TENM2: variants seen among roughly 807,000 people sequenced by gnomAD.
TENM2 encodes teneurin transmembrane protein 2.
In TENM2, 52 loss-of-function variants were observed where a neutral mutation model predicts 245.2. That is an observed-to-expected ratio of 0.21 (90% CI 0.17 to 0.27). The LOEUF (loss-of-function observed/expected upper bound fraction) is 0.27. Among genes scored for constraint, TENM2 ranks in the 10% least tolerant of loss-of-function variants. TENM2 has a pLI of 1.00. For synonymous variants in TENM2, 1,363 were observed against 1,438.9 expected, an observed-to-expected ratio of 0.95 and a Z score of 1.19; for missense variants, 3,046 against 3,666.8, an observed-to-expected ratio of 0.83 and a Z score of 4.37.
the TENM2 span, among the ~76,000 whole-genome samples, chr5:167,145,402 G>A: frequency 1.3e-5 from 2 of 152,160 alleles, no homozygotes; most frequent in Non-Finnish European, 2.9e-5. Flanking sequence ...CACAGATAAT[G>A]TATGAAAAGC....
At chr5:167,726,371 T>C (rs1760006312) in intron 2 of TENM2, among the ~76,000 whole-genome samples, 1 of 152,126 alleles carries the variant, frequency 6.6e-6, no homozygotes, top group Admixed American at 6.5e-5. Flanking sequence ...ATTATTACAT[T>C]GTTTATCATG....
At chr5:167,863,457 A>C (rs1163388991) in intron 2 of TENM2, among the ~76,000 whole-genome samples, 1 of 132,420 alleles carries the variant, frequency 7.6e-6, no homozygotes, top group Non-Finnish European at 1.6e-5. Flanking sequence ...TCTACTAAAA[A>C]TACACACACA....
chr5:168,182,202 C>T (rs1274084779), intron 13 of TENM2, among the ~76,000 whole-genome samples: 1 of 152,210 alleles, frequency 6.6e-6, no homozygotes, highest in East Asian at 1.9e-4. Context: ...ATCAAGTCAG[C>T]CTTGCCTATT....
chr5:167,655,093 T>G (rs1433761171), intron 2 of TENM2, among the ~76,000 whole-genome samples: 3 of 152,152 alleles, frequency 2.0e-5, no homozygotes, highest in African/African-American at 7.2e-5. Flanking sequence ...CCACATCTTG[T>G]TTGCGCTAGT....
the TENM2 span, among the ~76,000 whole-genome samples, chr5:166,997,658 C>A: frequency 6.6e-6 from 1 of 152,052 alleles, no homozygotes; most frequent in Admixed American, 6.5e-5. Context: ...AGTACAGAGA[C>A]CAGAGAGAGC....
At chr5:167,385,502 AT>A (rs151167866) in intron 2 of TENM2, among the ~76,000 whole-genome samples, 10,145 of 126,580 alleles carry the variant, frequency 0.08, 644 homozygotes, top group East Asian at 0.21. Context: ...TTTAGGTTTA[AT>A]TTTTTTTTTT....
rs540289229 is a variant in TENM2 at position 167,454,344 on chromosome 5, T to C, written c.502+78871T>C. Among the ~76,000 whole-genome samples, 91 of 152,234 alleles carry C rather than the reference T, an allele frequency of 6.0e-4. 1 individual carries two copies. The South Asian group carries it at 0.019, about 31-fold the overall frequency. ...ACAGCAGCTCAAATGATCATAGGCA[T>C]GAAAGGGAATTTGTTGGCTTATGTA... On this transcript the variant is annotated intron_variant, in intron 2 of 28. Coordinates refer to ENST00000518659, the Ensembl canonical transcript of TENM2.
chr5:168,111,874 T>C (rs10036661), intron 9 of TENM2, among the ~76,000 whole-genome samples: 37,127 of 152,082 alleles, frequency 0.24, 4,923 homozygotes, highest in African/African-American at 0.31. Flanking sequence ...GTCTTACCTT[T>C]ATTGGCAACT....
chr5:167,360,919 A>G (rs1759675076), intron 1 of TENM2, among the ~76,000 whole-genome samples: 1 of 152,204 alleles, frequency 6.6e-6, no homozygotes, highest in Admixed American at 6.5e-5. Flanking sequence ...ACAGATGTAC[A>G]CAGTCTCTCA....
rs571795269 is a variant in TENM2 at position 167,786,884 on chromosome 5, C to T, written c.503-89102C>T. Among the ~76,000 whole-genome samples, 276 of 152,324 alleles carry T rather than the reference C, an allele frequency of 1.8e-3. 1 individual carries two copies. The highest frequency in any genetic ancestry group is 0.012 in the South Asian group (58 of 4,822). ...GGAATTAATACAACTTTCTATGACTCAAATGCAAAAAGTTAACCCGTTATA... is the reference window on the plus strand; with the variant it reads ...GGAATTAATACAACTTTCTATGACTTAAATGCAAAAAGTTAACCCGTTATA... On this transcript the variant is annotated intron_variant, in intron 2 of 28. Coordinates refer to ENST00000518659, the Ensembl canonical transcript of TENM2.
At chr5:168,077,252 C>T (rs953829629) in intron 7 of TENM2, among the ~76,000 whole-genome samples, 2 of 152,102 alleles carry the variant, frequency 1.3e-5, no homozygotes, top group Non-Finnish European at 2.9e-5. Flanking sequence ...GAGATTATGT[C>T]CTTTAAGTAG....
At chr5:167,350,084 G>T (rs968150828) in intron 1 of TENM2, among the ~76,000 whole-genome samples, 23 of 152,124 alleles carry the variant, frequency 1.5e-4, no homozygotes, top group African/African-American at 5.6e-4. Context: ...AACACGTGAT[G>T]CTCCAGCAAA....
exon 27 of TENM2, chr5:168,246,779 G>A: frequency 6.2e-7 from 1 of 1,613,764 alleles, no homozygotes. Flanking sequence ...CTGCTTCAGA[G>A]CCAACGTCAG....
chr5:167,718,578 A>G (rs183345244), intron 2 of TENM2, among the ~76,000 whole-genome samples: 13 of 152,360 alleles, frequency 8.5e-5, no homozygotes, highest in African/African-American at 2.9e-4. Flanking sequence ...GGCCAAAGTC[A>G]AATACATAGT....
At chr5:167,934,790 C>T (rs1403164294) in intron 3 of TENM2, 1 of 924,996 alleles carries the variant, frequency 1.1e-6, no homozygotes, top group East Asian at 1.2e-4. Context: ...TCAGGGCAGC[C>T]TTCCAGGGCC....
chr5:167,828,958 C>T (rs192746555), intron 2 of TENM2, among the ~76,000 whole-genome samples: 198 of 152,260 alleles, frequency 1.3e-3, no homozygotes, highest in Non-Finnish European at 2.2e-3. Flanking sequence ...TGTTTCTGCC[C>T]ATCTGCCTTG....
chr5:167,869,369 T>C (rs544304181), intron 2 of TENM2, among the ~76,000 whole-genome samples: 4 of 152,342 alleles, frequency 2.6e-5, no homozygotes, highest in South Asian at 4.1e-4. Context: ...GAATAGCCCA[T>C]TGAAGTTTAT....
intron 12 of TENM2, among the ~76,000 whole-genome samples, chr5:168,138,220 T>C (rs1340039078): frequency 6.6e-6 from 1 of 152,196 alleles, no homozygotes; most frequent in African/African-American, 2.4e-5. Context: ...GCAAGTTGGG[T>C]GACCTTTAAC....
At chr5:167,443,835 T>C (rs1317564667) in intron 2 of TENM2, among the ~76,000 whole-genome samples, 4 of 152,134 alleles carry the variant, frequency 2.6e-5, no homozygotes, top group Non-Finnish European at 5.9e-5. Flanking sequence ...AGTAACTCTT[T>C]AACTTTTAAA....
Sources: gnomAD v4.1 joint callset for allele counts (sites outside exome capture counted in the v4.1 genomes callset) on GRCh38, gnomAD v4.1.1 for gene constraint, MANE v1.5 for transcripts, NCBI Gene and HGNC (gene_info 2026-07-23, HGNC 2026-07-21) for gene names.